The following RPS6KA5 variants were observed in gnomAD, a reference collection of about 807,000 sequenced individuals.
RPS6KA5 encodes the protein ribosomal protein S6 kinase A5.
A neutral mutation model predicts 85.5 loss-of-function variants in RPS6KA5; 27 were observed. That is an observed-to-expected ratio of 0.32 (90% CI 0.23 to 0.44). RPS6KA5 has a LOEUF of 0.44. Among genes scored for constraint, RPS6KA5 ranks in the 20% least tolerant of loss-of-function variants. The pLI, the probability that RPS6KA5 is intolerant of heterozygous loss-of-function variation, is 1.00. For missense variants in RPS6KA5, 811 were observed against 980.9 expected, an observed-to-expected ratio of 0.83 and a Z score of 2.31; for synonymous variants, 334 against 348.2, an observed-to-expected ratio of 0.96 and a Z score of 0.46.
chr14:90,925,810 G>A (rs139247238), intron 5 of RPS6KA5, among the ~76,000 whole-genome samples: 62 of 150,420 alleles, frequency 4.1e-4, no homozygotes, highest in Admixed American at 1.1e-3. Context: ...GCATAGTGGC[G>A]CATGCCTGTA....
intron 6 of RPS6KA5, 104 bp from the exon 7 acceptor site, chr14:90,920,413 A>C: frequency 1.2e-6 from 1 of 812,506 alleles, no homozygotes; most frequent in South Asian, 1.7e-5. Context: ...GTTTTAAAAA[A>C]TGATTTTGTA....
At chr14:91,010,909 G>A (rs903500762) in intron 1 of RPS6KA5, among the ~76,000 whole-genome samples, 1 of 152,120 alleles carries the variant, frequency 6.6e-6, no homozygotes, top group African/African-American at 2.4e-5. Context: ...AGAAGGATAT[G>A]TTAAGGTGTC....
chr14:90,970,929 A>G (rs2140453045), intron 3 of RPS6KA5, among the ~76,000 whole-genome samples: 1 of 152,278 alleles, frequency 6.6e-6, no homozygotes, highest in Non-Finnish European at 1.5e-5. Context: ...AAAACCAGAA[A>G]TGTGACTTAA....
rs1219315867 is a variant in RPS6KA5, at chr14:90,890,687, T to C, written c.1645-9A>G. 3 of 1,606,204 alleles carry C rather than the reference T, an allele frequency of 1.9e-6. No individual in the cohort carries two copies. The highest frequency in any genetic ancestry group is 1.7e-6 in the Non-Finnish European group (2 of 1,173,848). ...TCGGTGAACAATAAATTCTGCAAGA[T>C]ATCAATGCTTACATTAGTTTCTCAC... On this transcript the variant is annotated splice_polypyrimidine_tract_variant and intron_variant, in intron 13 of 16. Coordinates refer to ENST00000614987, the MANE Select transcript of RPS6KA5 (RefSeq NM_004755.4).
chr14:90,875,108 G>C, intron 15 of RPS6KA5, 93 bp downstream of exon 15: 6 of 1,224,144 alleles, frequency 4.9e-6, no homozygotes, highest in Non-Finnish European at 5.7e-6. Context: ...TGGATTCCTC[G>C]AGTAATTAAC....
rs1409454171 is a variant in RPS6KA5, at chr14:90,858,439, T to G, written c.*13635A>C. On this transcript the variant is annotated 3_prime_UTR_variant, in exon 17 of 17. Coordinates refer to ENST00000614987, the MANE Select transcript of RPS6KA5 (RefSeq NM_004755.4). ...TTTCAGCGATCGAGAATTATTATAC[T>G]TTGTAAATGGAAATACCACTACTAA... The G allele has an allele frequency of 1.3e-5, 2 of 152,204 alleles. No individual in the cohort carries two copies. The highest frequency in any genetic ancestry group is 2.9e-5 in the Non-Finnish European group (2 of 68,040). The allele number at this position is 152,204 out of a possible 1,614,324, so 9.4% of individuals were successfully genotyped here. A position where few individuals can be genotyped will look rare whatever the true frequency, so the allele number is the denominator to read the frequency against.
chr14:90,981,119 C>T (rs901760769), intron 2 of RPS6KA5, among the ~76,000 whole-genome samples: 10 of 152,270 alleles, frequency 6.6e-5, no homozygotes, highest in African/African-American at 1.7e-4. Flanking sequence ...TGCAGTGAGC[C>T]GAGAGCGTGC....
chr14:90,873,840 A>T (rs765526313), intron 15 of RPS6KA5, 45 bp from the exon 16 acceptor site: 8 of 1,549,690 alleles, frequency 5.2e-6, no homozygotes, highest in Non-Finnish European at 6.2e-6. Flanking sequence ...CATTTTAAAC[A>T]TGGTTTAAAA....
chr14:91,023,499 C>G (rs2139804999), intron 1 of RPS6KA5, among the ~76,000 whole-genome samples: 1 of 152,246 alleles, frequency 6.6e-6, no homozygotes, highest in African/African-American at 2.4e-5. Context: ...GTTGGCCAGG[C>G]TGGTCTTGAA....
At chr14:91,015,740 AAC>A (rs1213905541) in intron 1 of RPS6KA5, among the ~76,000 whole-genome samples, 10 of 152,234 alleles carry the variant, frequency 6.6e-5, no homozygotes, top group African/African-American at 2.4e-4. Context: ...TACATCAAAT[AAC>A]AGTTTGTAAT....
At chr14:90,923,263 TAATACATGTTAGTGGTTGA>T in intron 5 of RPS6KA5, 67 bp from the exon 6 acceptor site, 2 of 1,243,798 alleles carry the variant, frequency 1.6e-6, no homozygotes, top group Non-Finnish European at 2.3e-6. Context: ...AAGAAGAAAG[TAATACATGTTAGTGGTTGA>T]GATACACTAT....
intron 5 of RPS6KA5, among the ~76,000 whole-genome samples, chr14:90,942,653 G>C (rs905977977): frequency 6.6e-6 from 1 of 152,148 alleles, no homozygotes; most frequent in Non-Finnish European, 1.5e-5. Flanking sequence ...TGTCATTCTT[G>C]TCAAGCGAAT....
At chr14:90,951,923 T>C (rs1425560558) in intron 3 of RPS6KA5, among the ~76,000 whole-genome samples, 1 of 151,956 alleles carries the variant, frequency 6.6e-6, no homozygotes, top group Non-Finnish European at 1.5e-5. Flanking sequence ...ACCCCTCACA[T>C]CCGTGATTCT....
chr14:90,961,269 C>T (rs1321312140), intron 3 of RPS6KA5, among the ~76,000 whole-genome samples: 1 of 152,134 alleles, frequency 6.6e-6, no homozygotes, highest in African/African-American at 2.4e-5. Flanking sequence ...TAGGAATCTC[C>T]AGAGAAAAGT....
intron 14 of RPS6KA5, among the ~76,000 whole-genome samples, chr14:90,882,596 A>G (rs2033914034): frequency 6.6e-6 from 1 of 152,136 alleles, no homozygotes; most frequent in Admixed American, 6.6e-5. Context: ...TCAGCTTCTT[A>G]CGGATCTAGA....
chr14:90,899,180 G>T, intron 12 of RPS6KA5, 149 bp downstream of exon 12: 1 of 605,670 alleles, frequency 1.7e-6, no homozygotes, highest in Admixed American at 3.0e-5. Context: ...GGAGGGGTTT[G>T]AGAGGGTGGT....
chr14:90,898,920 C>T (rs2034999016), intron 12 of RPS6KA5, among the ~76,000 whole-genome samples: 1 of 152,180 alleles, frequency 6.6e-6, no homozygotes. Context: ...AGGCTCCAGG[C>T]TCTCTCAGTT....
chr14:90,969,672 C>CAA (rs2039232367), intron 3 of RPS6KA5, among the ~76,000 whole-genome samples: 1 of 152,180 alleles, frequency 6.6e-6, no homozygotes, highest in Admixed American at 6.5e-5. Context: ...TTTCACTCTC[C>CAA]AAACACCCAA....
At chr14:91,036,631 G>C (rs114379595) in intron 1 of RPS6KA5, among the ~76,000 whole-genome samples, 2,335 of 152,292 alleles carry the variant, frequency 0.015, 70 homozygotes, top group African/African-American at 0.053. Flanking sequence ...AACTGGAAAG[G>C]AGCATATGCC....
Sources: allele counts gnomAD v4.1 joint callset (sites outside exome capture counted in the v4.1 genomes callset), GRCh38; gene constraint gnomAD v4.1.1; transcripts MANE v1.5; gene names NCBI Gene and HGNC (gene_info 2026-07-23, HGNC 2026-07-21).